FAM3D: variants seen among roughly 807,000 people sequenced by gnomAD.
The protein encoded by FAM3D is FAM3 metabolism regulating signaling molecule D.
Under a neutral mutation model 29.8 loss-of-function variants are expected in FAM3D, and 26 were observed. The observed-to-expected ratio is 0.87, with a 90% CI of 0.64 to 1.21. The LOEUF (loss-of-function observed/expected upper bound fraction) is 1.21, where lower values mean the gene tolerates loss of function less well. FAM3D is among the 50% of genes most tolerant of loss of function. The pLI is 0.00. For missense variants in FAM3D, 253 were observed against 290.9 expected, an observed-to-expected ratio of 0.87 and a Z score of 0.95; for synonymous variants, 115 against 102.3, an observed-to-expected ratio of 1.12 and a Z score of -0.75.
At chr3:58,648,317 C>G (rs181236486) in intron 4 of FAM3D, among the ~76,000 whole-genome samples, 160 of 152,290 alleles carry the variant, frequency 1.1e-3, no homozygotes, top group African/African-American at 3.7e-3. Flanking sequence ...TCCTTCTTAG[C>G]CAGGCAAAAT....
At chr3:58,640,661 T>C (rs897693424) in intron 6 of FAM3D, among the ~76,000 whole-genome samples, 2 of 152,260 alleles carry the variant, frequency 1.3e-5, no homozygotes, top group Non-Finnish European at 2.9e-5. Context: ...GGATTTGTGT[T>C]GGGCTAAGCG....
intron 1 of FAM3D, among the ~76,000 whole-genome samples, chr3:58,656,523 C>T (rs530746379): frequency 1.2e-3 from 126 of 108,446 alleles, no homozygotes; most frequent in African/African-American, 5.5e-3. Context: ...CCTGTGTCAC[C>T]CCCCAGGTGC....
rs2066386033 is a variant in FAM3D at position 58,643,333 on chromosome 3, A to T, written c.322+329T>A. 2.0e-5 allele frequency among the ~76,000 whole-genome samples: 3 copies of T among 152,210 alleles called. No individual in the cohort carries two copies. The South Asian group carries it at 6.2e-4, about 32-fold the overall frequency. On this transcript the variant is annotated intron_variant, in intron 6 of 9. Transcript: ENST00000358781. ...ACTCAGCATGTGATCTTGCACTGTC[A>T]TTGGTTGTCCCCACATCCTCATTTG...
At chr3:58,637,109 G>C in intron 8 of FAM3D, 32 bp downstream of exon 8, 1 of 1,590,802 alleles carries the variant, frequency 6.3e-7, no homozygotes, top group Non-Finnish European at 8.6e-7. Flanking sequence ...TTGCATCACT[G>C]TGTGGCCTGG....
Position 58,653,686 on chromosome 3 carries a change from G to T in FAM3D, c.109C>A (p.Pro37Thr). 5 of 1,613,774 alleles carry T rather than the reference G, an allele frequency of 3.1e-6. No homozygotes were observed. Among genetic ancestry groups the T allele is most frequent in the Non-Finnish European group, 4.2e-6 (5 of 1,180,004 alleles). ...MSFSMKTIRL[P>T]RWLAASPTKE... ...GAGCCCCACTCACCCAGCCAGCGTGGCAGACGGATGGTTTTCATGCTGAAG... is the reference window on the plus strand; with the variant it reads ...GAGCCCCACTCACCCAGCCAGCGTGTCAGACGGATGGTTTTCATGCTGAAG... The change falls in exon 3 of 10, where the codon CCA becomes ACA. Residue 37 changes from proline to threonine, a missense_variant. Coordinates refer to ENST00000358781, the MANE Select transcript of FAM3D (RefSeq NM_138805.3).
Position 58,635,309 on chromosome 3 carries a change from G to T in FAM3D, c.586-941C>A, listed in dbSNP as rs1464156596. The stretch of plus-strand genomic sequence containing the variant: ...ATCTGCTGTTGGAATCATTGTGGCT[G>T]ACTCTCAGGAATTAAAAAAGAGATT... On this transcript the variant is annotated intron_variant, in intron 9 of 9. Coordinates refer to ENST00000358781, the MANE Select transcript of FAM3D (RefSeq NM_138805.3). The surrounding 1 kb of genome is among the most constrained non-coding windows in gnomAD (Gnocchi z 5.2). 1.3e-5 allele frequency among the ~76,000 whole-genome samples: 2 copies of T among 152,190 alleles called. No individual in the cohort carries two copies. Among genetic ancestry groups the T allele is most frequent in the African/African-American group, 4.8e-5 (2 of 41,460 alleles).
chr3:58,645,755 C>T (rs762838006), intron 4 of FAM3D, 129 bp from the exon 5 acceptor site: 18 of 788,122 alleles, frequency 2.3e-5, no homozygotes, highest in East Asian at 2.0e-4. Flanking sequence ...TCTGGGGGAG[C>T]CTTCGCTGAT....
intron 7 of FAM3D, among the ~76,000 whole-genome samples, chr3:58,638,095 G>T (rs1415897421): frequency 6.6e-6 from 1 of 152,102 alleles, no homozygotes; most frequent in African/African-American, 2.4e-5. Flanking sequence ...TGTTGGTCAG[G>T]CTGGTCTCGA....
chr3:58,657,310 GGT>G (rs1311123957), intron 1 of FAM3D, among the ~76,000 whole-genome samples: 4 of 151,548 alleles, frequency 2.6e-5, no homozygotes, highest in Admixed American at 2.6e-4. Flanking sequence ...ATTCACAGAG[GGT>G]GTGTACAGAG....
intron 4 of FAM3D, among the ~76,000 whole-genome samples, chr3:58,648,510 A>C (rs2066539437): frequency 6.6e-6 from 1 of 150,460 alleles, no homozygotes; most frequent in African/African-American, 2.5e-5. Flanking sequence ...AAAAGATTTC[A>C]CTTCTCGGTG....
intron 8 of FAM3D, among the ~76,000 whole-genome samples, chr3:58,636,667 ACATT>A (rs1389826806): frequency 6.6e-6 from 1 of 152,250 alleles, no homozygotes; most frequent in Admixed American, 6.5e-5. Flanking sequence ...AATACAATAC[ACATT>A]CATTTGGAAA....
intron 1 of FAM3D, among the ~76,000 whole-genome samples, chr3:58,657,228 G>C (rs547989151): frequency 6.6e-6 from 1 of 152,106 alleles, no homozygotes; most frequent in South Asian, 2.1e-4. Flanking sequence ...CAGGAGAGTC[G>C]GTGGCCGGAC....
At position 58,635,180 on chromosome 3, in the gene FAM3D, T is replaced by TAC. The variant is rs2066127979; in HGVS notation, c.586-813_586-812insGT. ...ACAGAGCGAGACCCTATCTCTAAAA[T>TAC]ATATATATACTAGTAATAAGTATGT... On this transcript the variant is annotated intron_variant, in intron 9 of 9. Coordinates refer to ENST00000358781, the MANE Select transcript of FAM3D (RefSeq NM_138805.3). This position sits in a 1 kb window ranked among gnomAD's most constrained non-coding sequence, Gnocchi z 5.2. Among the ~76,000 whole-genome samples, 1 of 152,084 alleles carries TAC rather than the reference T, an allele frequency of 6.6e-6. No homozygotes were observed. Among genetic ancestry groups the TAC allele is most frequent in the African/African-American group, 2.4e-5 (1 of 41,400 alleles).
At chr3:58,654,291 C>T (rs1234187985) in intron 2 of FAM3D, among the ~76,000 whole-genome samples, 1 of 152,256 alleles carries the variant, frequency 6.6e-6, no homozygotes, top group African/African-American at 2.4e-5. Context: ...GACCTGGTAA[C>T]ACCCTTGCCC....
At position 58,634,370 on chromosome 3, in the gene FAM3D, TAGAG is replaced by T; in HGVS notation, c.586-6_586-3del. Reference sequence around the variant, plus strand: ...TGTGTCTGGGCTGTTCTTTAAGAACTAGAGAGAGAGAAGACAGAGAAATATAGGC... The same window carrying T: ...TGTGTCTGGGCTGTTCTTTAAGAACTAGAGAGAAGACAGAGAAATATAGGC... On this transcript the variant is annotated splice_region_variant and splice_polypyrimidine_tract_variant and intron_variant, in intron 9 of 9. Coordinates refer to ENST00000358781, the MANE Select transcript of FAM3D (RefSeq NM_138805.3). This position sits in a 1 kb window ranked among gnomAD's most constrained non-coding sequence, Gnocchi z 4.6. 4 of 1,613,418 alleles carry T rather than the reference TAGAG, an allele frequency of 2.5e-6. No homozygotes were observed. Among genetic ancestry groups the T allele is most frequent in the East Asian group, 2.2e-5 (1 of 44,866 alleles).
intron 5 of FAM3D, among the ~76,000 whole-genome samples, chr3:58,644,190 C>T (rs550668110): frequency 1.3e-5 from 2 of 152,276 alleles, no homozygotes; most frequent in Admixed American, 6.5e-5. Flanking sequence ...GGATTGACCT[C>T]TCTCTCCCAG....
At chr3:58,659,586 C>T (rs1448903680) in intron 1 of FAM3D, among the ~76,000 whole-genome samples, 1 of 152,238 alleles carries the variant, frequency 6.6e-6, no homozygotes, top group South Asian at 2.1e-4. Context: ...ACCTTGTCAG[C>T]CTTCACAGTC....
intron 1 of FAM3D, among the ~76,000 whole-genome samples, chr3:58,659,165 G>A (rs1228805936): frequency 6.6e-6 from 1 of 152,162 alleles, no homozygotes; most frequent in South Asian, 2.1e-4. Flanking sequence ...TGTCTGGAAG[G>A]GGTCCGCCGT....
intron 1 of FAM3D, among the ~76,000 whole-genome samples, chr3:58,656,752 C>T (rs2066814161): frequency 6.6e-6 from 1 of 152,198 alleles, no homozygotes; most frequent in Admixed American, 6.5e-5. Context: ...CTCCAAAGTT[C>T]AACTGCCAAA....
Sources: gnomAD v4.1 joint callset for allele counts (sites outside exome capture counted in the v4.1 genomes callset) on GRCh38, gnomAD v4.1.1 for gene constraint, Gnocchi (gnomAD v3.1) non-coding constraint, MANE v1.5 for transcripts, NCBI Gene and HGNC (gene_info 2026-07-23, HGNC 2026-07-21) for gene names.